The following PLEKHA5 variants were observed in gnomAD, a reference collection of about 807,000 sequenced individuals.
PLEKHA5 encodes pleckstrin homology domain containing A5.
PLEKHA5 carries 55 observed loss-of-function variants against 181.9 expected under a neutral mutation model. That is an observed-to-expected ratio of 0.30 (90% CI 0.24 to 0.38). PLEKHA5 has a LOEUF of 0.38. Among genes scored for constraint, PLEKHA5 ranks in the 10% least tolerant of loss-of-function variants. PLEKHA5 has a pLI of 1.00. For synonymous variants in PLEKHA5, 535 were observed against 529.4 expected (o/e 1.01, Z -0.15); for missense variants, 1,432 against 1,549.5 (o/e 0.92, Z 1.27).
At chr12:19,251,851 A>G (rs907282553) in intron 3 of PLEKHA5, among the ~76,000 whole-genome samples, 8 of 152,006 alleles carry the variant, frequency 5.3e-5, no homozygotes, top group African/African-American at 1.9e-4. Flanking sequence ...TAGAATTGAG[A>G]AAAGGCTAGA....
intron 3 of PLEKHA5, among the ~76,000 whole-genome samples, chr12:19,139,552 G>T (rs1565857536): frequency 1.3e-5 from 2 of 152,108 alleles, no homozygotes. Context: ...TGTGCCAAGT[G>T]CTTTAAGCTT....
Position 19,347,148 on chromosome 12 carries a change from A to G in PLEKHA5, c.2864A>G (p.Gln955Arg). ...VHLPEEKKMY[Q>R]VQGYPRNGSH... The stretch of plus-strand genomic sequence containing the variant: ...CTGCCTGAAGAAAAGAAGATGTATC[A>G]AGTTCAAGGATATCCAAGAAATGGA... Residue 955 changes from glutamine to arginine, a missense_variant, in exon 24 of 32, where the codon CAA becomes CGA. By Grantham distance (43) the Gln-to-Arg change is conservative. This residue lies in a region of PLEKHA5 where 1,143 missense variants were observed against 1,168.4 expected (regional missense o/e 0.98). Transcript: ENST00000429027. The G allele has an allele frequency of 6.5e-7, 1 of 1,549,536 alleles. No individual in the cohort carries two copies. The highest frequency in any genetic ancestry group is 8.7e-7 in the Non-Finnish European group (1 of 1,145,512).
chr12:19,177,698 C>T (rs1019249991), intron 3 of PLEKHA5, among the ~76,000 whole-genome samples: 2 of 152,180 alleles, frequency 1.3e-5, no homozygotes, highest in African/African-American at 4.8e-5. Context: ...GTAGTGGTTT[C>T]CTTTATGCCC....
chr12:19,165,655 A>C (rs1388061975), intron 3 of PLEKHA5, among the ~76,000 whole-genome samples: 1 of 152,190 alleles, frequency 6.6e-6, no homozygotes, highest in Admixed American at 6.5e-5. Context: ...ATACCTGTTC[A>C]ACCTGTGCTT....
At chr12:19,293,982 C>G (rs16915327) in intron 15 of PLEKHA5, among the ~76,000 whole-genome samples, 19,600 of 152,186 alleles carry the variant, frequency 0.13, 1,311 homozygotes, top group South Asian at 0.17. Flanking sequence ...CTCTCAACAT[C>G]TCACCAAAGC....
intron 3 of PLEKHA5, among the ~76,000 whole-genome samples, chr12:19,175,765 A>C (rs924681180): frequency 6.6e-6 from 1 of 152,350 alleles, no homozygotes; most frequent in East Asian, 1.9e-4. Context: ...ACTGTGACTG[A>C]AGAAATCTTT....
At chr12:19,215,071 A>G (rs1309276298) in intron 3 of PLEKHA5, among the ~76,000 whole-genome samples, 1 of 151,962 alleles carries the variant, frequency 6.6e-6, no homozygotes, top group Non-Finnish European at 1.5e-5. Flanking sequence ...CAGCTACTCC[A>G]GAGGCTGAGG....
rs62719560 is a variant in PLEKHA5 at position 19,223,000 on chromosome 12, CTTTT to C, written c.228-30924_228-30921del. On this transcript the variant is annotated intron_variant, in intron 3 of 31. Transcript: ENST00000429027. ...ACAATAGATGTGAGTGAAATTTTGT[CTTTT>C]TTTTTTTTTTTTTTTCATTGTTGTG... Among the ~76,000 whole-genome samples, 473 of 128,904 alleles carry C rather than the reference CTTTT, an allele frequency of 3.7e-3. 3 individuals are homozygous for C. Among genetic ancestry groups the C allele is most frequent in the African/African-American group, 0.013 (441 of 34,104 alleles). 84.6% of individuals were successfully genotyped at this position (128,904 alleles called of 152,430 possible).
At chr12:19,164,267 C>G (rs10841163) in intron 3 of PLEKHA5, among the ~76,000 whole-genome samples, 113,453 of 146,598 alleles carry the variant, frequency 0.77, 45,431 homozygotes, top group Non-Finnish European at 0.9. Flanking sequence ...GGTGCAAACT[C>G]TGCTCACTGT....
At chr12:19,149,187 C>T (rs1487977079) in intron 3 of PLEKHA5, among the ~76,000 whole-genome samples, 1 of 152,072 alleles carries the variant, frequency 6.6e-6, no homozygotes, top group Admixed American at 6.5e-5. Flanking sequence ...TCATTATAAT[C>T]TTGCTGTATC....
intron 3 of PLEKHA5, among the ~76,000 whole-genome samples, chr12:19,196,780 T>C (rs2052858870): frequency 6.6e-6 from 1 of 151,480 alleles, no homozygotes; most frequent in African/African-American, 2.4e-5. Flanking sequence ...CTCTGGCTTA[T>C]GAGTTTTTAA....
At chr12:19,229,571 AGC>A (rs1201883483) in intron 3 of PLEKHA5, among the ~76,000 whole-genome samples, 4 of 152,232 alleles carry the variant, frequency 2.6e-5, no homozygotes, top group Non-Finnish European at 5.9e-5. Flanking sequence ...TCAGGAGTGA[AGC>A]TACAGACCTT....
chr12:19,217,076 C>G (rs2058107021), intron 3 of PLEKHA5, among the ~76,000 whole-genome samples: 1 of 152,132 alleles, frequency 6.6e-6, no homozygotes, highest in African/African-American at 2.4e-5. Flanking sequence ...TGGTTTTGAC[C>G]TTCAGAATGG....
chr12:19,370,756 C>G (rs1028840719), intron 31 of PLEKHA5: 4 of 151,786 alleles, frequency 2.6e-5, no homozygotes, highest in African/African-American at 9.7e-5. Flanking sequence ...GTGGCATAAT[C>G]ACAGCTCACT....
chr12:19,200,290 A>G, intron 3 of PLEKHA5: 1 of 1,494,554 alleles, frequency 6.7e-7, no homozygotes, highest in Middle Eastern at 1.8e-4. Context: ...AAATTTAAAC[A>G]TTAAAACAAT....
intron 3 of PLEKHA5, among the ~76,000 whole-genome samples, chr12:19,219,195 A>G (rs1352703115): frequency 6.6e-6 from 1 of 152,154 alleles, no homozygotes; most frequent in East Asian, 1.9e-4. Context: ...AAGGACTTGC[A>G]TATGCACTGA....
chr12:19,199,286 G>GA (rs1239953887), intron 3 of PLEKHA5, among the ~76,000 whole-genome samples: 3 of 151,060 alleles, frequency 2.0e-5, no homozygotes, highest in Non-Finnish European at 4.4e-5. Context: ...TTCTTTTTTT[G>GA]AAAAAATGCC....
At chr12:19,299,016 GAAAAA>G (rs2080730675) in intron 15 of PLEKHA5, among the ~76,000 whole-genome samples, 2 of 152,196 alleles carry the variant, frequency 1.3e-5, no homozygotes, top group Non-Finnish European at 2.9e-5. Flanking sequence ...TGAAGAAGAA[GAAAAA>G]CAAGTGGCAG....
At chr12:19,171,473 A>G (rs552647229) in intron 3 of PLEKHA5, among the ~76,000 whole-genome samples, 5 of 152,252 alleles carry the variant, frequency 3.3e-5, no homozygotes, top group Admixed American at 2.6e-4. Flanking sequence ...TTGATATACA[A>G]TTTTAACTTT....
Sources: allele counts gnomAD v4.1 joint callset (sites outside exome capture counted in the v4.1 genomes callset), GRCh38; gene constraint gnomAD v4.1.1; regional missense constraint gnomAD v4.1.1; transcripts MANE v1.5; gene names NCBI Gene and HGNC (gene_info 2026-07-23, HGNC 2026-07-21).